Variants in HBS1L observed in about 807,000 individuals in gnomAD.
HBS1L encodes the protein HBS1-like protein.
A neutral mutation model predicts 88.9 loss-of-function variants in HBS1L; 55 were observed. The observed-to-expected ratio is 0.62, with a 90% CI of 0.50 to 0.77. The LOEUF is 0.77. HBS1L is among the 30% of genes least tolerant of loss of function. The pLI is 0.00. For missense variants in HBS1L, 741 were observed against 829.3 expected (o/e 0.89, Z 1.31); for synonymous variants, 267 against 288.5 (o/e 0.93, Z 0.76).
At chr6:135,045,260 T>C (rs1004907323) in intron 2 of HBS1L, among the ~76,000 whole-genome samples, 2 of 152,054 alleles carry the variant, frequency 1.3e-5, no homozygotes, top group Non-Finnish European at 2.9e-5. Context: ...GAGAAAATGG[T>C]AAATACAAAA....
At chr6:135,032,112 T>C (rs1029626279) in intron 4 of HBS1L, among the ~76,000 whole-genome samples, 1 of 152,012 alleles carries the variant, frequency 6.6e-6, no homozygotes, top group African/African-American at 2.4e-5. Context: ...GCAAGAATTC[T>C]AAATGCTAAA....
chr6:135,044,088 A>G (rs141772529), intron 2 of HBS1L, among the ~76,000 whole-genome samples: 259 of 152,296 alleles, frequency 1.7e-3, no homozygotes, highest in Middle Eastern at 6.8e-3. Flanking sequence ...TGGCTCTCCA[A>G]GGTCTGTGAG....
rs887770652 is a variant in HBS1L at position 134,964,542 on chromosome 6, T to C, written c.*737A>G. The C allele has an allele frequency of 3.3e-5, 5 of 152,074 alleles. No homozygotes were observed. The highest frequency in any genetic ancestry group is 1.9e-4 in the East Asian group (1 of 5,198). 9.4% of individuals were successfully genotyped at this position (152,074 alleles called of 1,614,324 possible). ...GTGACAGAGCTAGGAAACTCTTAGGTGAAAAAGATCCCACAAAACCCCTAA... is the reference window on the plus strand; with the variant it reads ...GTGACAGAGCTAGGAAACTCTTAGGCGAAAAAGATCCCACAAAACCCCTAA... On this transcript the variant is annotated 3_prime_UTR_variant, in exon 18 of 18. Transcript: ENST00000367837.
At chr6:135,040,437 C>T (rs1468843396) in intron 3 of HBS1L, among the ~76,000 whole-genome samples, 3 of 148,416 alleles carry the variant, frequency 2.0e-5, no homozygotes, top group Admixed American at 1.4e-4. Flanking sequence ...CTGCAACCTC[C>T]GTCTCCCTGA....
At chr6:135,004,079 C>T (rs545621475) in intron 4 of HBS1L, among the ~76,000 whole-genome samples, 4 of 151,986 alleles carry the variant, frequency 2.6e-5, no homozygotes, top group Non-Finnish European at 4.4e-5. Flanking sequence ...CATTGGTAAA[C>T]ACATATACAG....
chr6:135,039,788 C>T (rs377628036), intron 3 of HBS1L, 21 bp from the exon 4 acceptor site: 15 of 1,586,812 alleles, frequency 9.5e-6, no homozygotes, highest in African/African-American at 2.7e-5. Context: ...CGACAATGGT[C>T]AAAAGCTATA....
chr6:135,044,082 T>C (rs1034837137), intron 2 of HBS1L, among the ~76,000 whole-genome samples: 2 of 152,184 alleles, frequency 1.3e-5, no homozygotes, highest in Non-Finnish European at 2.9e-5. Flanking sequence ...ACTGCTTGGC[T>C]CTCCAAGGTC....
intron 15 of HBS1L, among the ~76,000 whole-genome samples, chr6:134,969,563 T>C (rs1038312384): frequency 6.6e-6 from 1 of 152,230 alleles, no homozygotes; most frequent in African/African-American, 2.4e-5. Flanking sequence ...CACCAATTAC[T>C]GCATCAACTT....
chr6:135,002,843 C>G lies in HBS1L; in HGVS notation c.431-1G>C. 1.2e-6 allele frequency: 2 copies of G among 1,601,178 alleles called. No homozygotes were observed. The highest frequency in any genetic ancestry group is 1.7e-6 in the Non-Finnish European group (2 of 1,169,110). The stretch of plus-strand genomic sequence containing the variant: ...GATGTCTGGGAATCTACTGGTTTTC[C>G]TAGTTAAGGAGTAAAATATAAAAGG... On this transcript the variant is annotated splice_acceptor_variant, in intron 4 of 17. Coordinates refer to ENST00000367837, the MANE Select transcript of HBS1L (RefSeq NM_006620.4). LOFTEE classifies it high-confidence loss of function.
intron 4 of HBS1L, among the ~76,000 whole-genome samples, chr6:135,023,532 C>T (rs1445421121): frequency 6.6e-6 from 1 of 151,994 alleles, no homozygotes; most frequent in Non-Finnish European, 1.5e-5. Flanking sequence ...TACAGACATA[C>T]TATGTAAAGT....
chr6:135,041,949 T>C (rs1425706477), intron 3 of HBS1L, 52 bp downstream of exon 3: 4 of 1,537,166 alleles, frequency 2.6e-6, no homozygotes, highest in Non-Finnish European at 2.7e-6. Context: ...AATTCTGGTG[T>C]ATTTGGTCAT....
chr6:135,054,764 C>G lies in HBS1L; in HGVS notation c.-73G>C, dbSNP rs1777197932. 3.8e-6 allele frequency: 6 copies of G among 1,565,820 alleles called. No individual in the cohort carries two copies. Among genetic ancestry groups the G allele is most frequent in the Non-Finnish European group, 5.3e-6 (6 of 1,142,374 alleles). ...ACTCCGCTTAGATACTGATAAGGCG[C>G]CAACTGCAGCCTGGAGAACCCCTAT... On this transcript the variant is annotated 5_prime_UTR_variant, in exon 1 of 18. Coordinates refer to ENST00000367837, the MANE Select transcript of HBS1L (RefSeq NM_006620.4).
chr6:135,030,763 A>G (rs1440199284), intron 4 of HBS1L, among the ~76,000 whole-genome samples: 1 of 152,218 alleles, frequency 6.6e-6, no homozygotes, highest in African/African-American at 2.4e-5. Flanking sequence ...AAAAATAACA[A>G]TAAAGAGTAG....
In HBS1L at chr6:134,992,368, AT is replaced by A. The variant is rs376289427; in HGVS notation, c.1083+1389del. ...ATTGCCTGGTGATGTCATAGTCGCC[AT>A]AATGTCATAGCACCATGCATTACTC... On this transcript the variant is annotated intron_variant, in intron 8 of 17. Transcript: ENST00000367837. 3.9e-5 allele frequency among the ~76,000 whole-genome samples: 6 copies of A among 152,326 alleles called. No homozygotes were observed. In the East Asian group the frequency reaches 9.6e-4, roughly 24 times the overall value.
At chr6:134,999,882 GA>G (rs1417333962) in intron 5 of HBS1L, among the ~76,000 whole-genome samples, 2 of 152,050 alleles carry the variant, frequency 1.3e-5, no homozygotes, top group Non-Finnish European at 2.9e-5. Context: ...TGCATATTAT[GA>G]AATAAAAGTC....
chr6:134,965,493 T>C (rs1774286682), intron 17 of HBS1L, among the ~76,000 whole-genome samples: 1 of 152,230 alleles, frequency 6.6e-6, no homozygotes, highest in African/African-American at 2.4e-5. Flanking sequence ...TGACTCTATC[T>C]TATTTTTAGA....
At chr6:135,013,603 A>G (rs1562296668) in intron 4 of HBS1L, among the ~76,000 whole-genome samples, 1 of 152,240 alleles carries the variant, frequency 6.6e-6, no homozygotes, top group African/African-American at 2.4e-5. Flanking sequence ...TAGAAAATGG[A>G]TTGTGGAGGC....
intron 8 of HBS1L, among the ~76,000 whole-genome samples, chr6:134,988,736 T>C (rs1042159789): frequency 1.3e-5 from 2 of 152,202 alleles, no homozygotes; most frequent in Non-Finnish European, 2.9e-5. Flanking sequence ...GTGCACCACC[T>C]TCCAGGGGGT....
chr6:135,036,841 T>C, intron 4 of HBS1L: 1 of 1,551,712 alleles, frequency 6.4e-7, no homozygotes. Flanking sequence ...CAGAGAGCCT[T>C]TGTTGTTTTT....
Sources: allele counts gnomAD v4.1 joint callset (sites outside exome capture counted in the v4.1 genomes callset), GRCh38; gene constraint gnomAD v4.1.1; transcripts MANE v1.5; gene names NCBI Gene and HGNC (gene_info 2026-07-23, HGNC 2026-07-21).